Variants in RGPD4 observed in about 807,000 individuals in gnomAD.
RGPD4 encodes the protein ranBP2-like and GRIP domain-containing protein 4.
RGPD4 carries 84 observed loss-of-function variants against 141.1 expected under a neutral mutation model. The ratio of observed to expected loss-of-function variants is 0.60; its 90% CI spans 0.50 to 0.71. RGPD4 has a LOEUF of 0.71. RGPD4 is among the 30% of genes least tolerant of loss of function. The probability of loss-of-function intolerance (pLI) is 0.00; values close to 1 mark genes in which losing one functional copy is unlikely to be tolerated. For synonymous variants in RGPD4, 298 were observed against 566.8 expected, an observed-to-expected ratio of 0.53 and a Z score of 6.74; for missense variants, 918 against 1,622.4, an observed-to-expected ratio of 0.57 and a Z score of 7.46.
At chr2:107,865,589 G>C (rs1256857389) in intron 17 of RGPD4, among the ~76,000 whole-genome samples, 1 of 151,968 alleles carries the variant, frequency 6.6e-6, no homozygotes, top group East Asian at 1.9e-4. Context: ...GGTTAATGTA[G>C]GCAAGTGTAG....
At chr2:107,875,951 TA>T (rs1337287753) in intron 20 of RGPD4, among the ~76,000 whole-genome samples, 1 of 144,336 alleles carries the variant, frequency 6.9e-6, no homozygotes. Flanking sequence ...GGCAACACTT[TA>T]AAATTTTTAA....
chr2:107,866,782 T>G (rs1573512100), intron 18 of RGPD4, among the ~76,000 whole-genome samples: 1 of 108,762 alleles, frequency 9.2e-6, no homozygotes, highest in African/African-American at 3.3e-5. Flanking sequence ...TCATACTGGG[T>G]TTTTAAGTTC....
intron 7 of RGPD4, among the ~76,000 whole-genome samples, chr2:107,854,108 G>T (rs1682215031): frequency 7.4e-6 from 1 of 134,418 alleles, no homozygotes; most frequent in Admixed American, 7.6e-5. Context: ...AGGCCGGAGT[G>T]CAATGGCACA....
At chr2:107,867,266 C>G (rs1682759901) in intron 18 of RGPD4, among the ~76,000 whole-genome samples, 1 of 151,746 alleles carries the variant, frequency 6.6e-6, no homozygotes, top group African/African-American at 2.4e-5. Flanking sequence ...GTAGTAGTGC[C>G]CTTTTTTTTC....
chr2:107,833,256 T>C (rs928874513), intron 1 of RGPD4, among the ~76,000 whole-genome samples: 4 of 152,036 alleles, frequency 2.6e-5, no homozygotes, highest in African/African-American at 4.8e-5. Flanking sequence ...AAGAGAGAAA[T>C]TTAGAACTGC....
intron 9 of RGPD4, among the ~76,000 whole-genome samples, chr2:107,858,389 G>A (rs1167794229): frequency 1.3e-5 from 2 of 149,672 alleles, no homozygotes; most frequent in Admixed American, 6.7e-5. Flanking sequence ...GCTTCCAGAA[G>A]CACATAACCT....
chr2:107,884,522 C>T (rs1298109421), intron 22 of RGPD4, among the ~76,000 whole-genome samples: 3 of 147,886 alleles, frequency 2.0e-5, no homozygotes, highest in Non-Finnish European at 4.5e-5. Flanking sequence ...TTAATCATTA[C>T]AGGGTAACAC....
intron 22 of RGPD4, among the ~76,000 whole-genome samples, chr2:107,888,325 A>G (rs1374530451): frequency 6.8e-6 from 1 of 146,802 alleles, no homozygotes; most frequent in East Asian, 2.0e-4. Flanking sequence ...TATTTTGTCA[A>G]AAATCTTATA....
intron 1 of RGPD4, among the ~76,000 whole-genome samples, chr2:107,832,252 G>A (rs1573462633): frequency 6.7e-6 from 1 of 148,390 alleles, no homozygotes; most frequent in East Asian, 2.0e-4. Context: ...AACCTGGATT[G>A]GGTTTTCTTC....
chr2:107,880,197 T>A, intron 21 of RGPD4, 90 bp downstream of exon 21: 1 of 1,582,226 alleles, frequency 6.3e-7, no homozygotes, highest in Non-Finnish European at 8.6e-7. Context: ...AAAATTCACA[T>A]TGCAGATGCA....
Position 107,847,637 on chromosome 2 carries a change from A to G in RGPD4, c.783-704A>G, listed in dbSNP as rs1193295019. 8.3e-5 allele frequency among the ~76,000 whole-genome samples: 5 copies of G among 59,944 alleles called. 1 individual carries two copies. The highest frequency in any genetic ancestry group is 1.8e-4 in the Non-Finnish European group (5 of 28,512). The allele number at this position is 59,944 out of a possible 152,430, so 39.3% of individuals were successfully genotyped here. ...GGAGTTCGAGACCAGCCTGGCCAATATAGTAAAACCCTGTCTCTACTAAAA... is the reference window on the plus strand; with the variant it reads ...GGAGTTCGAGACCAGCCTGGCCAATGTAGTAAAACCCTGTCTCTACTAAAA... On this transcript the variant is annotated intron_variant, in intron 6 of 22. Coordinates refer to ENST00000408999, the MANE Select transcript of RGPD4 (RefSeq NM_182588.3).
At chr2:107,830,651 G>C (rs1453837798) in intron 1 of RGPD4, among the ~76,000 whole-genome samples, 1 of 151,952 alleles carries the variant, frequency 6.6e-6, no homozygotes, top group Non-Finnish European at 1.5e-5. Context: ...TGTGAAGTTA[G>C]GTTTGAGTGA....
rs1682459489 is a variant in RGPD4, at chr2:107,859,490, C to T, written c.1570C>T (p.Leu524Phe). 6.2e-7 allele frequency: 1 copy of T among 1,611,370 alleles called. No homozygotes were observed. Among genetic ancestry groups the T allele is most frequent in the Non-Finnish European group, 8.5e-7 (1 of 1,179,852 alleles). ...LCLPLPVCKQLCTERQKSWWD... is the reference protein window; with the variant it reads ...LCLPLPVCKQFCTERQKSWWD... ...CCTGCCCCTTCCTGTATGTAAACAG[C>T]TTTGTACAGAAAGACAAAAATCTTG... The change falls in exon 11 of 23, where the codon CTT becomes TTT. Residue 524 changes from leucine (L) to phenylalanine (F), a missense_variant. By Grantham distance (22) the Leu-to-Phe change is conservative (BLOSUM62 0). Coordinates refer to ENST00000408999, the MANE Select transcript of RGPD4 (RefSeq NM_182588.3).
chr2:107,849,731 T>G (rs1159424623), intron 7 of RGPD4, among the ~76,000 whole-genome samples: 2 of 67,716 alleles, frequency 3.0e-5, no homozygotes, highest in Non-Finnish European at 5.9e-5. Flanking sequence ...AAATAAGCAG[T>G]CTTCCAAAAA....
chr2:107,884,341 C>G lies in RGPD4; in HGVS notation c.5266+1468C>G, dbSNP rs527370588. Among the ~76,000 whole-genome samples, 595 of 152,348 alleles carry G rather than the reference C, an allele frequency of 3.9e-3. 1 individual carries two copies. Among genetic ancestry groups the G allele is most frequent in the Non-Finnish European group, 5.1e-3 (344 of 68,038 alleles). On this transcript the variant is annotated intron_variant, in intron 22 of 22. Transcript: ENST00000408999. ...GGTCTCAATCTCCTGACCTTGTGAT[C>G]TGCCCACCTTGGCCTCCCAAAGTGC...
At chr2:107,859,595 A>G (rs1682465407) in intron 11 of RGPD4, 41 bp downstream of exon 11, 2 of 1,611,518 alleles carry the variant, frequency 1.2e-6, no homozygotes, top group Admixed American at 1.7e-5. Flanking sequence ...CTTAGTGCGT[A>G]GGTTTTACCA....
chr2:107,878,429 C>G (rs1049100532), intron 20 of RGPD4, among the ~76,000 whole-genome samples: 2 of 150,484 alleles, frequency 1.3e-5, no homozygotes, highest in African/African-American at 4.9e-5. Context: ...GTGTCTTCCG[C>G]CAGCACATAC....
chr2:107,845,707 G>A (rs2104423808), intron 6 of RGPD4, among the ~76,000 whole-genome samples: 1 of 152,346 alleles, frequency 6.6e-6, no homozygotes, highest in East Asian at 1.9e-4. Flanking sequence ...GGGACTACAG[G>A]CGCCCACCAC....
intron 5 of RGPD4, 54 bp downstream of exon 5, chr2:107,843,293 CT>C: frequency 1.4e-5 from 1 of 72,866 alleles, no homozygotes; most frequent in Admixed American, 1.4e-4. Context: ...TAGCATACAT[CT>C]TTTTGTACTA....
Sources: allele counts gnomAD v4.1 joint callset (sites outside exome capture counted in the v4.1 genomes callset), GRCh38; gene constraint gnomAD v4.1.1; transcripts MANE v1.5; gene names NCBI Gene and HGNC (gene_info 2026-07-23, HGNC 2026-07-21).